Variants in CCSER1 observed in about 807,000 individuals in gnomAD.
CCSER1 encodes coiled-coil serine rich protein 1.
Under a neutral mutation model 82.0 loss-of-function variants are expected in CCSER1, and 41 were observed. The observed-to-expected ratio is 0.50, with a 90% confidence interval of 0.39 to 0.65. The LOEUF is 0.65. CCSER1 is among the 30% of genes least tolerant of loss of function. The pLI is 0.00. For missense variants in CCSER1, 1,119 were observed against 1,064.2 expected, an observed-to-expected ratio of 1.05 and a Z score of -0.72; for synonymous variants, 414 against 383.9, an observed-to-expected ratio of 1.08 and a Z score of -0.92.
At chr4:90,331,760 G>A (rs1739321699) in intron 3 of CCSER1, among the ~76,000 whole-genome samples, 2 of 151,890 alleles carry the variant, frequency 1.3e-5, no homozygotes, top group Non-Finnish European at 2.9e-5. Flanking sequence ...TTCAGTGAAC[G>A]TTGTGGACTA....
chr4:90,698,037 T>C lies in CCSER1; in HGVS notation c.1933-25877T>C, dbSNP rs144191325. Reference sequence around the variant, plus strand: ...GGCATTTGAACTTGGTTGTAAATGATGGATGGACTTGTGATATTAAGGTTA... The same window carrying C: ...GGCATTTGAACTTGGTTGTAAATGACGGATGGACTTGTGATATTAAGGTTA... On this transcript the variant is annotated intron_variant, in intron 6 of 10. Transcript: ENST00000509176. 8.2e-3 allele frequency among the ~76,000 whole-genome samples: 1,249 copies of C among 152,298 alleles called. 17 individuals carry two copies. The highest frequency in any genetic ancestry group is 0.029 in the African/African-American group (1,187 of 41,550).
chr4:90,936,791 T>C (rs530957381), intron 9 of CCSER1, among the ~76,000 whole-genome samples: 66 of 152,296 alleles, frequency 4.3e-4, no homozygotes, highest in African/African-American at 1.5e-3. Flanking sequence ...TAATAAATAC[T>C]GAATGGCAGG....
At chr4:91,579,131 T>C (rs193206086) in intron 10 of CCSER1, among the ~76,000 whole-genome samples, 1 of 151,582 alleles carries the variant, frequency 6.6e-6, no homozygotes, top group Non-Finnish European at 1.5e-5. Context: ...TTATTATTAT[T>C]ATTATTGTTT....
At chr4:91,169,201 TAAAA>T (rs57715555) in intron 10 of CCSER1, among the ~76,000 whole-genome samples, 4 of 122,992 alleles carry the variant, frequency 3.3e-5, no homozygotes, top group Non-Finnish European at 1.7e-5. Context: ...CAATAAATAC[TAAAA>T]AAAAAAAAAA....
At chr4:91,099,252 G>A (rs547560154) in intron 10 of CCSER1, among the ~76,000 whole-genome samples, 35 of 152,240 alleles carry the variant, frequency 2.3e-4, no homozygotes, top group African/African-American at 7.5e-4. Context: ...TATAATATCA[G>A]TGATGACAAT....
chr4:90,743,647 C>G (rs573002069), intron 7 of CCSER1, among the ~76,000 whole-genome samples: 13 of 152,294 alleles, frequency 8.5e-5, no homozygotes, highest in African/African-American at 3.1e-4. Flanking sequence ...CGGCAGCCAC[C>G]TTTAAGCCTG....
At chr4:90,566,543 G>C (rs536994980) in intron 5 of CCSER1, among the ~76,000 whole-genome samples, 1 of 151,776 alleles carries the variant, frequency 6.6e-6, no homozygotes, top group South Asian at 2.1e-4. Flanking sequence ...TATGCATCAA[G>C]GGCTTTATTC....
intron 3 of CCSER1, among the ~76,000 whole-genome samples, chr4:90,338,718 C>G (rs1740854801): frequency 4.6e-5 from 7 of 152,162 alleles, no homozygotes; most frequent in Admixed American, 4.6e-4. Flanking sequence ...CCTTCTGATT[C>G]AGATAAAATT....
intron 10 of CCSER1, among the ~76,000 whole-genome samples, chr4:91,426,174 G>A (rs928174285): frequency 2.6e-5 from 4 of 152,278 alleles, no homozygotes; most frequent in Admixed American, 2.6e-4. Flanking sequence ...TGCTGAGAAT[G>A]ATGGTTTCTG....
chr4:91,437,786 G>A (rs192675293), intron 10 of CCSER1, among the ~76,000 whole-genome samples: 163 of 152,348 alleles, frequency 1.1e-3, no homozygotes, highest in South Asian at 9.7e-3. Context: ...CTAATACTCC[G>A]CTTTTACAAA....
chr4:90,352,632 A>C (rs191719522), intron 3 of CCSER1, among the ~76,000 whole-genome samples: 1 of 150,296 alleles, frequency 6.7e-6, no homozygotes, highest in East Asian at 2.0e-4. Context: ...ATTGCACTAC[A>C]GCCTGGGCGA....
chr4:91,508,634 G>T (rs1366533752), intron 10 of CCSER1, among the ~76,000 whole-genome samples: 1 of 150,380 alleles, frequency 6.6e-6, no homozygotes, highest in African/African-American at 2.4e-5. Context: ...CATTTTTGAA[G>T]GATTTATTCC....
At chr4:91,248,497 C>G (rs1165056027) in intron 10 of CCSER1, among the ~76,000 whole-genome samples, 2 of 152,096 alleles carry the variant, frequency 1.3e-5, no homozygotes, top group African/African-American at 4.8e-5. Context: ...GATGGTTTTT[C>G]TCAGAAAAAC....
At chr4:91,586,791 ATTG>A (rs989163038) in intron 10 of CCSER1, among the ~76,000 whole-genome samples, 2 of 151,566 alleles carry the variant, frequency 1.3e-5, no homozygotes, top group African/African-American at 2.4e-5. Flanking sequence ...AAGATACGAT[ATTG>A]TTGTTTTAGT....
At chr4:90,207,497 A>G (rs1371070150) in intron 1 of CCSER1, among the ~76,000 whole-genome samples, 3 of 152,072 alleles carry the variant, frequency 2.0e-5, no homozygotes, top group Non-Finnish European at 2.9e-5. Flanking sequence ...TACTTCTGTC[A>G]ATTCGTCAAG....
chr4:91,249,554 A>G (rs536832592), intron 10 of CCSER1, among the ~76,000 whole-genome samples: 1 of 152,128 alleles, frequency 6.6e-6, no homozygotes. Context: ...CACACTTATC[A>G]CTGTTAGCAG....
intron 10 of CCSER1, among the ~76,000 whole-genome samples, chr4:91,284,846 A>C (rs1450724007): frequency 6.6e-6 from 1 of 152,076 alleles, no homozygotes; most frequent in Non-Finnish European, 1.5e-5. Flanking sequence ...AAAAAAACAT[A>C]TGAGTTGATG....
chr4:90,599,473 A>G (rs1432849910), intron 5 of CCSER1, among the ~76,000 whole-genome samples: 1 of 151,760 alleles, frequency 6.6e-6, no homozygotes, highest in Non-Finnish European at 1.5e-5. Flanking sequence ...CTCAATAAAA[A>G]CTCTTTTCTT....
At chr4:90,825,243 C>T (rs1366203745) in intron 8 of CCSER1, among the ~76,000 whole-genome samples, 1 of 152,096 alleles carries the variant, frequency 6.6e-6, no homozygotes, top group Non-Finnish European at 1.5e-5. Flanking sequence ...TAAAAATATT[C>T]CACCATATTG....
Sources: gnomAD v4.1 joint callset for allele counts (sites outside exome capture counted in the v4.1 genomes callset) on GRCh38, gnomAD v4.1.1 for gene constraint, MANE v1.5 for transcripts, NCBI Gene and HGNC (gene_info 2026-07-23, HGNC 2026-07-21) for gene names.